Variants in SLC7A11 observed in about 807,000 individuals in gnomAD.
SLC7A11 encodes cystine/glutamate transporter.
Under a neutral mutation model 54.5 loss-of-function variants are expected in SLC7A11, and 35 were observed. That is an observed-to-expected ratio of 0.64 (90% CI 0.49 to 0.85). SLC7A11 has a LOEUF of 0.85. Among genes scored for constraint, SLC7A11 ranks in the 40% least tolerant of loss-of-function variants. The pLI is 0.00. For synonymous variants in SLC7A11, 230 were observed against 225.2 expected, an observed-to-expected ratio of 1.02 and a Z score of -0.19; for missense variants, 583 against 618.1, an observed-to-expected ratio of 0.94 and a Z score of 0.60.
chr4:138,185,156 C>A lies in SLC7A11; in HGVS notation c.880G>T (p.Ala294Ser). 4 of 1,612,980 alleles carry A rather than the reference C, an allele frequency of 2.5e-6. No individual in the cohort carries two copies. Among genetic ancestry groups the A allele is most frequent in the Non-Finnish European group, 3.4e-6 (4 of 1,179,260 alleles). ...GCATTTGAAAGCAGCAGCTCCTCAG[C>A]ATTAATGGTCGTAAAGTAGGCCACA... Reference protein sequence around the residue: ...TNVAYFTTINAEELLLSNAVA... With the variant: ...TNVAYFTTINSEELLLSNAVA... Residue 294 changes from alanine (A) to serine (S), a missense_variant, in exon 7 of 12, where the codon GCT (alanine) becomes TCT (serine). Physicochemically the swap from Ala to Ser is moderately conservative, Grantham distance 99. Coordinates refer to ENST00000280612, the MANE Select transcript of SLC7A11 (RefSeq NM_014331.4).
intron 3 of SLC7A11, among the ~76,000 whole-genome samples, chr4:138,227,269 T>A (rs1296810664): frequency 3.9e-5 from 6 of 152,212 alleles, no homozygotes; most frequent in Non-Finnish European, 7.3e-5. Flanking sequence ...ATGTTACATG[T>A]TGAGATAAAG....
intron 4 of SLC7A11, among the ~76,000 whole-genome samples, chr4:138,220,220 G>A (rs1443572401): frequency 6.6e-6 from 1 of 151,796 alleles, no homozygotes; most frequent in African/African-American, 2.4e-5. Flanking sequence ...TTACAGGTGT[G>A]AGCCACTGCG....
chr4:138,180,875 CT>C (rs770761961), intron 9 of SLC7A11, 85 bp from the exon 10 acceptor site: 16 of 1,172,278 alleles, frequency 1.4e-5, no homozygotes, highest in Middle Eastern at 4.2e-4. Context: ...GCATTACGAC[CT>C]TTTTCAAATA....
At chr4:138,202,450 A>G (rs1046065224) in intron 6 of SLC7A11, among the ~76,000 whole-genome samples, 1 of 152,096 alleles carries the variant, frequency 6.6e-6, no homozygotes, top group South Asian at 2.1e-4. Flanking sequence ...ATTTTCTGAG[A>G]CAACTGAGGA....
chr4:138,202,517 A>T (rs560431167), intron 6 of SLC7A11, among the ~76,000 whole-genome samples: 2 of 152,212 alleles, frequency 1.3e-5, no homozygotes, highest in East Asian at 3.9e-4. Context: ...TGGCCATAGC[A>T]TCCCTTTCTC....
chr4:138,208,466 A>G (rs1737461755), intron 6 of SLC7A11, among the ~76,000 whole-genome samples: 1 of 152,100 alleles, frequency 6.6e-6, no homozygotes, highest in Non-Finnish European at 1.5e-5. Flanking sequence ...CAAACATTAT[A>G]CATCTCAATG....
At position 138,180,871 on chromosome 4, in the gene SLC7A11, C is replaced by T. The variant is rs1736724651; in HGVS notation, c.1117-81G>A. On this transcript the variant is annotated intron_variant, in intron 9 of 11. Transcript: ENST00000280612. ...ACAACAAAAACCTCACTATGCATTACGACCTTTTTCAAATAATTATTTATA... is the reference window on the plus strand; with the variant it reads ...ACAACAAAAACCTCACTATGCATTATGACCTTTTTCAAATAATTATTTATA... 6.6e-6 allele frequency: 8 copies of T among 1,211,002 alleles called. No individual in the cohort carries two copies. The East Asian group carries it at 9.8e-5, about 15-fold the overall frequency. The allele number at this position is 1,211,002 out of a possible 1,614,324, so 75.0% of individuals were successfully genotyped here.
chr4:138,222,864 G>T (rs2148445674), intron 4 of SLC7A11, among the ~76,000 whole-genome samples: 1 of 125,242 alleles, frequency 8.0e-6, no homozygotes, highest in East Asian at 2.6e-4. Context: ...CAATTTTAAA[G>T]TAAAAAAAAG....
chr4:138,176,747 G>C (rs1039251193), intron 11 of SLC7A11: 1 of 152,096 alleles, frequency 6.6e-6, no homozygotes, highest in South Asian at 2.1e-4. Context: ...GCTGCTCAGG[G>C]GTTTTAACTG....
intron 6 of SLC7A11, among the ~76,000 whole-genome samples, chr4:138,211,342 T>A (rs1737543491): frequency 6.6e-6 from 1 of 151,852 alleles, no homozygotes; most frequent in Admixed American, 6.6e-5. Context: ...AACCTCAGCA[T>A]CATGCAATAT....
intron 11 of SLC7A11, chr4:138,174,510 A>G (rs1358704333): frequency 6.6e-6 from 1 of 152,224 alleles, no homozygotes; most frequent in African/African-American, 2.4e-5. Context: ...GCTTCTGCAG[A>G]GTAATTGATT....
In SLC7A11 at chr4:138,225,347, C is replaced by T. The variant is rs77324369; in HGVS notation, c.521-2023G>A. Among the ~76,000 whole-genome samples, 390 of 151,458 alleles carry T rather than the reference C, an allele frequency of 2.6e-3. 3 individuals carry two copies. The highest frequency in any genetic ancestry group is 9.1e-3 in the African/African-American group (378 of 41,322). On this transcript the variant is annotated intron_variant, in intron 3 of 11. Transcript: ENST00000280612. The stretch of plus-strand genomic sequence containing the variant: ...AGAAGATCTCATACAAAGTGAAATA[C>T]AGGGTTACTAACGAAGAAATATTTC...
chr4:138,230,696 T>A (rs1340372798), intron 3 of SLC7A11, among the ~76,000 whole-genome samples: 4 of 152,210 alleles, frequency 2.6e-5, no homozygotes, highest in Non-Finnish European at 4.4e-5. Context: ...GACTGCTAGA[T>A]CTGAACATAA....
At chr4:138,204,964 A>T (rs1737374037) in intron 6 of SLC7A11, among the ~76,000 whole-genome samples, 1 of 151,968 alleles carries the variant, frequency 6.6e-6, no homozygotes, top group Admixed American at 6.6e-5. Flanking sequence ...TAATCCTCTA[A>T]TTTTTTCAAA....
chr4:138,182,605 C>A (rs1020391095), intron 8 of SLC7A11, among the ~76,000 whole-genome samples: 4 of 152,048 alleles, frequency 2.6e-5, no homozygotes, highest in Non-Finnish European at 4.4e-5. Flanking sequence ...TTATATTATT[C>A]TTTGAAGAGA....
At chr4:138,193,162 G>A (rs1413093795) in intron 6 of SLC7A11, among the ~76,000 whole-genome samples, 1 of 152,092 alleles carries the variant, frequency 6.6e-6, no homozygotes, top group Admixed American at 6.6e-5. Context: ...ACGAACTACT[G>A]CTTCTACCAC....
chr4:138,210,532 T>C (rs946384880), intron 6 of SLC7A11, among the ~76,000 whole-genome samples: 1 of 151,924 alleles, frequency 6.6e-6, no homozygotes, highest in African/African-American at 2.4e-5. Context: ...TATAAAGAAC[T>C]TAAACAATTC....
In SLC7A11 at chr4:138,170,637, A is replaced by G. The variant is rs1030495816; in HGVS notation, c.*1319T>C. 6.6e-6 allele frequency: 1 copy of G among 152,036 alleles called. No homozygotes were observed. The highest frequency in any genetic ancestry group is 1.5e-5 in the Non-Finnish European group (1 of 68,004). 9.4% of individuals were successfully genotyped at this position (152,036 alleles called of 1,614,324 possible). ...GCTCACAGTATTTTCTAATACTGGC[A>G]AAACAACATCTTCTGAACACAAACA... On this transcript the variant is annotated 3_prime_UTR_variant, in exon 12 of 12. Transcript: ENST00000280612.
intron 6 of SLC7A11, among the ~76,000 whole-genome samples, chr4:138,203,662 T>C (rs1737340632): frequency 6.6e-6 from 1 of 152,114 alleles, no homozygotes. Context: ...TACTTGCTTT[T>C]ATTAAAAAGC....
Sources: gnomAD v4.1 joint callset for allele counts (sites outside exome capture counted in the v4.1 genomes callset) on GRCh38, gnomAD v4.1.1 for gene constraint, MANE v1.5 for transcripts, NCBI Gene and HGNC (gene_info 2026-07-23, HGNC 2026-07-21) for gene names.